The following ARPP19 variants were observed in gnomAD, a reference collection of about 807,000 sequenced individuals.
The protein encoded by ARPP19 is cAMP-regulated phosphoprotein 19.
In ARPP19, 8 loss-of-function variants were observed where a neutral mutation model predicts 12.0. That is an observed-to-expected ratio of 0.67 (90% CI 0.39 to 1.21). ARPP19 has a LOEUF of 1.21. ARPP19 is among the 50% of genes most tolerant of loss of function. The pLI is 0.01. For missense variants in ARPP19, 102 were observed against 136.3 expected, an observed-to-expected ratio of 0.75 and a Z score of 1.25; for synonymous variants, 47 against 50.4, an observed-to-expected ratio of 0.93 and a Z score of 0.29.
chr15:52,567,681 C>G (rs2078097020), intron 1 of ARPP19, among the ~76,000 whole-genome samples: 2 of 152,072 alleles, frequency 1.3e-5, no homozygotes, highest in African/African-American at 4.8e-5. Context: ...AATGTGGTAA[C>G]TTGGACTTTT....
upstream of ARPP19, chr15:52,569,064 G>A (rs1014270374): frequency 7.3e-5 from 42 of 575,680 alleles, no homozygotes; most frequent in Non-Finnish European, 1.2e-5. Context: ...GCTGGCCAAG[G>A]CCCTCGCACG....
intron 1 of ARPP19, among the ~76,000 whole-genome samples, chr15:52,559,089 G>C (rs1281119170): frequency 1.3e-5 from 2 of 152,148 alleles, no homozygotes; most frequent in Non-Finnish European, 2.9e-5. Context: ...GAAAAAAGCT[G>C]CTTCTGTCAA....
chr15:52,568,817 A>G, intron 1 of ARPP19, 31 bp downstream of exon 1: 1 of 1,526,964 alleles, frequency 6.5e-7, no homozygotes, highest in Non-Finnish European at 8.8e-7. Context: ...GGCCTTGGGC[A>G]GGGCCCAGGG....
At chr15:52,565,051 T>C (rs2078068865) in intron 1 of ARPP19, among the ~76,000 whole-genome samples, 1 of 151,716 alleles carries the variant, frequency 6.6e-6, no homozygotes, top group Non-Finnish European at 1.5e-5. Context: ...TTTTTTTTTT[T>C]TTTTTGAGAC....
upstream of ARPP19, among the ~76,000 whole-genome samples, chr15:52,569,398 C>T (rs1447647387): frequency 2.0e-5 from 3 of 152,248 alleles, no homozygotes; most frequent in Non-Finnish European, 2.9e-5. Flanking sequence ...CGCCAAAAGT[C>T]TTGCTCCACT....
At position 52,568,882 on chromosome 15, in the gene ARPP19, T is replaced by G; in HGVS notation, c.11A>C (p.Glu4Ala). Residue 4 changes from glutamate (E) to alanine (A), a missense_variant, in exon 1 of 3, where the codon GAA becomes GCA. By Grantham distance (107) the Glu-to-Ala change is moderately radical. Transcript: ENST00000249822. ...CTCCGCGGAGGCTGCCTCGGGGACT[T>G]CCGCAGACATAGTGCTCCCTCTGCA... MSAEVPEAASAEEQ... is the reference protein window; with the variant it reads MSAAVPEAASAEEQ... 6.5e-7 allele frequency: 1 copy of G among 1,533,908 alleles called. No individual in the cohort carries two copies. The highest frequency in any genetic ancestry group is 8.8e-7 in the Non-Finnish European group (1 of 1,140,080).
intron 2 of ARPP19, 57 bp downstream of exon 2, chr15:52,557,041 CTG>C: frequency 6.4e-7 from 1 of 1,570,336 alleles, no homozygotes. Flanking sequence ...GTTTCACAAT[CTG>C]TCAGCATACT....
chr15:52,559,028 C>T (rs2078008643), intron 1 of ARPP19, among the ~76,000 whole-genome samples: 1 of 152,160 alleles, frequency 6.6e-6, no homozygotes, highest in Non-Finnish European at 1.5e-5. Context: ...TCCTGAACTG[C>T]TTCTTCATTT....
At chr15:52,565,843 G>C (rs1416837900) in intron 1 of ARPP19, among the ~76,000 whole-genome samples, 1 of 152,130 alleles carries the variant, frequency 6.6e-6, no homozygotes, top group Non-Finnish European at 1.5e-5. Context: ...TATTTAATCT[G>C]TTTTAGTTTA....
At position 52,547,589 on chromosome 15, in the gene ARPP19, G is replaced by C. The variant is rs2077889726; in HGVS notation, c.*4345C>G. ...ACCTAGAGGCCTACCTAATTAGAAG[G>C]TTGAAACTTAGTAAAACCGTATTAA... On this transcript the variant is annotated 3_prime_UTR_variant, in exon 3 of 3. Transcript: ENST00000249822. 6.6e-6 allele frequency: 1 copy of C among 152,186 alleles called. No homozygotes were observed. The highest frequency in any genetic ancestry group is 2.4e-5 in the African/African-American group (1 of 41,440). 9.4% of individuals were successfully genotyped at this position (152,186 alleles called of 1,614,324 possible). A position where few individuals can be genotyped will look rare whatever the true frequency, so the allele number is the denominator to read the frequency against.
intron 2 of ARPP19, among the ~76,000 whole-genome samples, chr15:52,552,345 G>A (rs7181784): frequency 0.11 from 17,420 of 151,868 alleles, 1,465 homozygotes; most frequent in East Asian, 0.47. Context: ...CAAGGCAGGC[G>A]AAACACTTAA....
intron 1 of ARPP19, among the ~76,000 whole-genome samples, chr15:52,566,209 A>T (rs1324559317): frequency 6.6e-6 from 1 of 152,040 alleles, no homozygotes; most frequent in African/African-American, 2.4e-5. Flanking sequence ...CCCAGGCAGG[A>T]GTACAGTGGT....
Position 52,550,594 on chromosome 15 carries a change from G to A in ARPP19, c.*1340C>T, listed in dbSNP as rs138993084. The A allele has an allele frequency of 1.3e-3, 197 of 152,168 alleles. No individual in the cohort carries two copies. Among genetic ancestry groups the A allele is most frequent in the African/African-American group, 4.6e-3 (189 of 41,526 alleles). 9.4% of individuals were successfully genotyped at this position (152,168 alleles called of 1,614,324 possible). A position where few individuals can be genotyped will look rare whatever the true frequency, so the allele number is the denominator to read the frequency against. The stretch of plus-strand genomic sequence containing the variant: ...ATTGCACTACTGCACTAGAGCTCAG[G>A]TGACAGAGCAAGGCCCTATCCTAAA... On this transcript the variant is annotated 3_prime_UTR_variant, in exon 3 of 3. Coordinates refer to ENST00000249822, the MANE Select transcript of ARPP19 (RefSeq NM_006628.6).
rs549955493 is a variant in ARPP19 at position 52,562,279 on chromosome 15, T to C, written c.46-5057A>G. ...CCACAGCACAAATGGAAAAACTGACTAATACTAGGCCATAAAGCAAATCTT... is the reference window on the plus strand; with the variant it reads ...CCACAGCACAAATGGAAAAACTGACCAATACTAGGCCATAAAGCAAATCTT... On this transcript the variant is annotated intron_variant, in intron 1 of 2. Transcript: ENST00000249822. 1.1e-4 allele frequency among the ~76,000 whole-genome samples: 16 copies of C among 152,276 alleles called. No homozygotes were observed. The South Asian group carries it at 3.1e-3, about 30-fold the overall frequency.
chr15:52,552,487 T>TTGAGGC (rs1460875437), intron 2 of ARPP19, among the ~76,000 whole-genome samples: 1 of 149,052 alleles, frequency 6.7e-6, no homozygotes, highest in Non-Finnish European at 1.5e-5. Flanking sequence ...ACTCCAGAGG[T>TTGAGGC]TGAGGCTTAA....
At chr15:52,557,246 C>T (rs766023195) in intron 1 of ARPP19, 24 bp from the exon 2 acceptor site, 10 of 1,546,814 alleles carry the variant, frequency 6.5e-6, no homozygotes, top group Non-Finnish European at 8.8e-6. Context: ...AAATAAATTA[C>T]TTCTCTATTA....
At chr15:52,563,019 G>A (rs1286922666) in intron 1 of ARPP19, among the ~76,000 whole-genome samples, 2 of 151,766 alleles carry the variant, frequency 1.3e-5, no homozygotes, top group Admixed American at 1.3e-4. Flanking sequence ...GGGATTACAG[G>A]TGCCCATCAC....
At chr15:52,556,014 T>A (rs2077978263) in intron 2 of ARPP19, among the ~76,000 whole-genome samples, 1 of 152,080 alleles carries the variant, frequency 6.6e-6, no homozygotes, top group Admixed American at 6.5e-5. Flanking sequence ...ACTTCCCTAC[T>A]TGATTATATA....
In ARPP19 at chr15:52,568,830, C is replaced by T. The variant is rs773159355; in HGVS notation, c.45+18G>A. 5.8e-6 allele frequency: 9 copies of T among 1,564,188 alleles called. No individual in the cohort carries two copies. The East Asian group carries it at 1.8e-4, about 31-fold the overall frequency. The stretch of plus-strand genomic sequence containing the variant: ...CCGGCCTTGGGCAGGGCCCAGGGCT[C>T]ACGCCCCGCGCGCTCACCTTCTGCT... On this transcript the variant is annotated intron_variant, in intron 1 of 2. Transcript: ENST00000249822.
Sources: allele counts gnomAD v4.1 joint callset (sites outside exome capture counted in the v4.1 genomes callset), GRCh38; gene constraint gnomAD v4.1.1; transcripts MANE v1.5; gene names NCBI Gene and HGNC (gene_info 2026-07-23, HGNC 2026-07-21).